AK3: variants seen among roughly 807,000 people sequenced by gnomAD.
AK3 encodes adenylate kinase 3.
A neutral mutation model predicts 23.7 loss-of-function variants in AK3; 27 were observed. The observed-to-expected ratio is 1.14, with a 90% CI of 0.84 to 1.57. AK3 has a LOEUF of 1.57. Among genes scored for constraint, AK3 ranks in the 40% most tolerant of loss-of-function variants. The pLI, the probability that AK3 is intolerant of heterozygous loss-of-function variation, is 0.00. For synonymous variants in AK3, 159 were observed against 116.0 expected (o/e 1.37, Z -2.38); for missense variants, 406 against 285.6 (o/e 1.42, Z -3.04).
chr9:4,738,484 C>A (rs958768063), intron 1 of AK3, among the ~76,000 whole-genome samples: 2 of 151,954 alleles, frequency 1.3e-5, no homozygotes, highest in African/African-American at 4.8e-5. Flanking sequence ...ATTTTTAAGA[C>A]TGCTTAATGA....
chr9:4,738,729 T>A (rs1029299582), intron 1 of AK3, among the ~76,000 whole-genome samples: 1 of 151,376 alleles, frequency 6.6e-6, no homozygotes, highest in East Asian at 1.9e-4. Context: ...GAAATAGATA[T>A]AGTTTCCTTC....
intron 1 of AK3, among the ~76,000 whole-genome samples, chr9:4,739,632 C>A (rs914075517): frequency 2.0e-5 from 3 of 151,772 alleles, no homozygotes; most frequent in African/African-American, 7.3e-5. Context: ...ATATTACATA[C>A]AAGAAAAGAT....
rs115468492 is a variant in AK3, at chr9:4,736,323, T to C, written c.151+4614A>G. 4.6e-3 allele frequency among the ~76,000 whole-genome samples: 704 copies of C among 152,186 alleles called. 9 individuals are homozygous for C. Among genetic ancestry groups the C allele is most frequent in the African/African-American group, 0.015 (633 of 41,514 alleles). On this transcript the variant is annotated intron_variant, in intron 1 of 4. Transcript: ENST00000381809. ...ATAAAACAGTATATACAGCATGCTA[T>C]AATCTGTGTTTTAAAAAACACATAC... is the stretch of plus-strand genomic sequence containing the variant.
intron 1 of AK3, among the ~76,000 whole-genome samples, chr9:4,736,767 T>G (rs1230459697): frequency 1.3e-5 from 2 of 151,720 alleles, no homozygotes; most frequent in African/African-American, 4.9e-5. Flanking sequence ...AGCCTCGAAC[T>G]CCTGAGTTCA....
At chr9:4,725,516 C>G (rs1331352738) in intron 1 of AK3, among the ~76,000 whole-genome samples, 1 of 151,936 alleles carries the variant, frequency 6.6e-6, no homozygotes, top group Non-Finnish European at 1.5e-5. Context: ...TGCCTGTAAT[C>G]CCAGCACTTT....
chr9:4,719,282 T>C lies in AK3; in HGVS notation c.297A>G (p.Ala99=), dbSNP rs557309938. ...LDGFPRTLPQ[A]EALDRAYQID... is the part of the protein sequence containing the mutation. ...TCTGATAAGCTCTATCTAGGGCTTCTGCCTGTGGAAGTGTCCTTGGAAAAC... is the reference window on the plus strand; with the variant it reads ...TCTGATAAGCTCTATCTAGGGCTTCCGCCTGTGGAAGTGTCCTTGGAAAAC... The change falls in exon 3 of 5, where the codon GCA becomes GCG. Residue 99 remains alanine (A), a synonymous_variant. Coordinates refer to ENST00000381809, the MANE Select transcript of AK3 (RefSeq NM_016282.4). 1.0e-5 allele frequency: 16 copies of C among 1,605,996 alleles called. No homozygotes were observed. Among genetic ancestry groups the C allele is most frequent in the African/African-American group, 1.4e-5 (1 of 72,798 alleles).
intron 1 of AK3, among the ~76,000 whole-genome samples, chr9:4,727,231 G>C (rs748029397): frequency 1.3e-5 from 2 of 152,212 alleles, no homozygotes; most frequent in East Asian, 3.9e-4. Flanking sequence ...CCTAGCAAGA[G>C]AGTCAGCCTG....
intron 1 of AK3, among the ~76,000 whole-genome samples, chr9:4,731,984 C>G (rs531061541): frequency 1.3e-5 from 2 of 152,322 alleles, no homozygotes; most frequent in South Asian, 2.1e-4. Flanking sequence ...TGGTCTCACT[C>G]TGACATCCAT....
rs866936041 is a variant in AK3, at chr9:4,736,147, G to A, written c.151+4790C>T. 2.0e-4 allele frequency among the ~76,000 whole-genome samples: 30 copies of A among 150,940 alleles called. 1 individual carries two copies. Among genetic ancestry groups the A allele is most frequent in the African/African-American group, 6.8e-4 (28 of 41,222 alleles). ...AAAAAAAAAAAAAGTTGATTTTGGT[G>A]ATGTCTGCACAACTCTGTGAATATA... On this transcript the variant is annotated intron_variant, in intron 1 of 4. Transcript: ENST00000381809.
Position 4,715,166 on chromosome 9 carries a change from C to T in AK3, c.564-2070G>A, listed in dbSNP as rs1841688153. On this transcript the variant is annotated intron_variant, in intron 4 of 4. Transcript: ENST00000381809. Reference sequence around the variant, plus strand: ...CCTGGGATGAGGAGGCTGCAGTGAGCTGGGATGGCACCACTGCACTCCAAC... The same window carrying T: ...CCTGGGATGAGGAGGCTGCAGTGAGTTGGGATGGCACCACTGCACTCCAAC... Among the ~76,000 whole-genome samples the T allele has an allele frequency of 3.0e-5, 4 of 134,246 alleles. No homozygotes were observed. The South Asian group carries it at 9.6e-4, about 32-fold the overall frequency. The allele number at this position is 134,246 out of a possible 152,430, so 88.1% of individuals were successfully genotyped here.
intron 1 of AK3, among the ~76,000 whole-genome samples, chr9:4,724,524 AT>A (rs1841976627): frequency 6.6e-6 from 1 of 152,232 alleles, no homozygotes; most frequent in Admixed American, 6.5e-5. Flanking sequence ...AGAAAAAGAA[AT>A]AGAAAGCATC....
intron 4 of AK3, 140 bp downstream of exon 4, chr9:4,718,279 C>G: frequency 1.5e-6 from 1 of 667,488 alleles, no homozygotes; most frequent in Admixed American, 2.3e-5. Flanking sequence ...GTTACACAAG[C>G]TAATGTATTT....
At chr9:4,736,424 T>C (rs1842294718) in intron 1 of AK3, among the ~76,000 whole-genome samples, 1 of 151,370 alleles carries the variant, frequency 6.6e-6, no homozygotes, top group African/African-American at 2.4e-5. Flanking sequence ...TGAAATATCC[T>C]TTTATATTTT....
chr9:4,722,483 A>T (rs2130886634), intron 2 of AK3, 23 bp downstream of exon 2: 1 of 1,613,896 alleles, frequency 6.2e-7, no homozygotes, highest in African/African-American at 1.3e-5. Flanking sequence ...GGGCAGGTGA[A>T]ATGCTCATGA....
At chr9:4,737,070 C>T (rs1395963241) in intron 1 of AK3, among the ~76,000 whole-genome samples, 5 of 144,228 alleles carry the variant, frequency 3.5e-5, no homozygotes, top group Non-Finnish European at 6.2e-5. Flanking sequence ...CATAGTTGAA[C>T]TATTATTCAC....
In AK3 at chr9:4,733,317, A is replaced by AG. The variant is rs1842196671; in HGVS notation, c.151+7619_151+7620insC. Among the ~76,000 whole-genome samples the AG allele has an allele frequency of 2.2e-5, 3 of 136,454 alleles. No homozygotes were observed. In the Admixed American group the frequency reaches 2.4e-4, roughly 11 times the overall value. 89.5% of individuals were successfully genotyped at this position (136,454 alleles called of 152,430 possible). On this transcript the variant is annotated intron_variant, in intron 1 of 4. Transcript: ENST00000381809. Reference sequence around the variant, plus strand: ...GAAATTAGTTAAATGATAGCTTTACACCCAATCAAGGGCTTTAAAAAAAAA... The same window carrying AG: ...GAAATTAGTTAAATGATAGCTTTACAGCCCAATCAAGGGCTTTAAAAAAAAA...
At chr9:4,731,325 T>C (rs1004159398) in intron 1 of AK3, among the ~76,000 whole-genome samples, 4 of 152,128 alleles carry the variant, frequency 2.6e-5, no homozygotes, top group African/African-American at 9.7e-5. Context: ...TGCGTCCATG[T>C]GTTCTCATCA....
Position 4,741,192 on chromosome 9 carries a change from AG to A in AK3, c.-106del. ...CCGGCCGGCTAGCAGCGCCACTAGC[AG>A]GCGGCTACTGCGGTTCCCCGGCGTT... On this transcript the variant is annotated 5_prime_UTR_variant, in exon 1 of 5. Coordinates refer to ENST00000381809, the MANE Select transcript of AK3 (RefSeq NM_016282.4). The A allele has an allele frequency of 8.1e-7, 1 of 1,233,608 alleles. No individual in the cohort carries two copies. The allele number at this position is 1,233,608 out of a possible 1,614,324, so 76.4% of individuals were successfully genotyped here.
rs780607326 is a variant in AK3 at position 4,710,696 on chromosome 9, CTGTT to C, written c.*2276_*2279del. On this transcript the variant is annotated 3_prime_UTR_variant, in exon 5 of 5. Coordinates refer to ENST00000381809, the MANE Select transcript of AK3 (RefSeq NM_016282.4). ...CACTTGGGAAGCTGAATCAGGAAGACTGTTTGAGGCCAGGAGACTAGCCTGGGCA... is the reference window on the plus strand; with the variant it reads ...CACTTGGGAAGCTGAATCAGGAAGACTGAGGCCAGGAGACTAGCCTGGGCA... 6.6e-6 allele frequency: 1 copy of C among 152,090 alleles called. No individual in the cohort carries two copies. Among genetic ancestry groups the C allele is most frequent in the African/African-American group, 2.4e-5 (1 of 41,400 alleles). 9.4% of individuals were successfully genotyped at this position (152,090 alleles called of 1,614,324 possible).
Sources: allele counts gnomAD v4.1 joint callset (sites outside exome capture counted in the v4.1 genomes callset), GRCh38; gene constraint gnomAD v4.1.1; transcripts MANE v1.5; gene names NCBI Gene and HGNC (gene_info 2026-07-23, HGNC 2026-07-21).